Variants in TRIP12 observed in about 807,000 individuals in gnomAD.
TRIP12 encodes the protein E3 ubiquitin-protein ligase TRIP12.
A neutral mutation model predicts 244.2 loss-of-function variants in TRIP12; 25 were observed. That is an observed-to-expected ratio of 0.10 (90% CI 0.07 to 0.14). The LOEUF is 0.14. Ranked by LOEUF, TRIP12 falls within the 10% of genes least tolerant of loss-of-function variation. The pLI, the probability that TRIP12 is intolerant of heterozygous loss-of-function variation, is 1.00. For synonymous variants in TRIP12, 905 were observed against 873.1 expected, an observed-to-expected ratio of 1.04 and a Z score of -0.64; for missense variants, 1,677 against 2,486.4, an observed-to-expected ratio of 0.67 and a Z score of 6.92.
intron 1 of TRIP12, among the ~76,000 whole-genome samples, chr2:229,899,600 G>A (rs2070010799): frequency 1.3e-5 from 2 of 152,318 alleles, no homozygotes; most frequent in South Asian, 2.1e-4. Context: ...ATGGAAACAA[G>A]TAACTGGAGT....
intron 2 of TRIP12, among the ~76,000 whole-genome samples, chr2:229,870,938 C>A (rs531751543): frequency 1.1e-3 from 169 of 152,190 alleles, no homozygotes; most frequent in African/African-American, 3.9e-3. Context: ...CTACGGGAGG[C>A]TGAGGGGGAG....
chr2:229,853,754 T>C (rs950633597), intron 4 of TRIP12, among the ~76,000 whole-genome samples: 5 of 152,208 alleles, frequency 3.3e-5, no homozygotes, highest in African/African-American at 1.2e-4. Flanking sequence ...AATATGTTGC[T>C]GCATTCTATG....
intron 32 of TRIP12, 36 bp from the exon 33 acceptor site, chr2:229,787,697 T>A (rs781470286): frequency 2.0e-6 from 3 of 1,503,958 alleles, no homozygotes; most frequent in South Asian, 1.4e-5. Context: ...ATTATCTGGA[T>A]GAGAATCAGA....
At chr2:229,839,309 T>A (rs1429556763) in intron 5 of TRIP12, among the ~76,000 whole-genome samples, 4 of 152,312 alleles carry the variant, frequency 2.6e-5, no homozygotes, top group African/African-American at 9.6e-5. Flanking sequence ...AGGTTTGTTT[T>A]AAGTGTTCTC....
intron 23 of TRIP12, 24 bp from the exon 24 acceptor site, chr2:229,797,855 T>C (rs1186850137): frequency 6.2e-7 from 1 of 1,609,946 alleles, no homozygotes; most frequent in South Asian, 1.1e-5. Flanking sequence ...AAAGGAGATA[T>C]TAAAGTCCCA....
intron 1 of TRIP12, among the ~76,000 whole-genome samples, chr2:229,914,505 A>G (rs2074998720): frequency 6.6e-6 from 1 of 152,234 alleles, no homozygotes; most frequent in Non-Finnish European, 1.5e-5. Flanking sequence ...CTCTCTAAGG[A>G]CACAAAGTAG....
intron 38 of TRIP12, 59 bp from the exon 39 acceptor site, chr2:229,771,691 A>C: frequency 7.6e-7 from 1 of 1,309,034 alleles, no homozygotes; most frequent in African/African-American, 1.5e-5. Context: ...TTACTATTTA[A>C]TATGTGGCAA....
intron 1 of TRIP12, among the ~76,000 whole-genome samples, chr2:229,896,856 A>C (rs1347643046): frequency 1.3e-5 from 2 of 152,224 alleles, no homozygotes; most frequent in African/African-American, 2.4e-5. Context: ...AAAAGTAATA[A>C]AAACTTTTAG....
At chr2:229,803,549 C>G (rs1329089394) in intron 20 of TRIP12, 22 bp downstream of exon 20, 1 of 1,455,744 alleles carries the variant, frequency 6.9e-7, no homozygotes, top group Non-Finnish European at 9.6e-7. Flanking sequence ...GACTAAATGA[C>G]TATTAATTTA....
intron 1 of TRIP12, among the ~76,000 whole-genome samples, chr2:229,898,547 T>G (rs952009786): frequency 6.6e-6 from 1 of 152,328 alleles, no homozygotes; most frequent in East Asian, 1.9e-4. Context: ...AATTTACTTA[T>G]ACACTGACCT....
chr2:229,816,323 C>CT (rs1467041575), intron 9 of TRIP12, among the ~76,000 whole-genome samples: 3 of 126,538 alleles, frequency 2.4e-5, no homozygotes, highest in Admixed American at 1.6e-4. Flanking sequence ...CATTTCAGGA[C>CT]TTAAAAAAAA....
intron 4 of TRIP12, among the ~76,000 whole-genome samples, chr2:229,857,145 C>CT (rs2059728742): frequency 3.9e-5 from 6 of 152,112 alleles, no homozygotes; most frequent in African/African-American, 1.4e-4. Context: ...TGCTAGTAGA[C>CT]ACTATATACA....
chr2:229,845,540 A>T (rs906064460), intron 4 of TRIP12, among the ~76,000 whole-genome samples: 1 of 152,232 alleles, frequency 6.6e-6, no homozygotes, highest in Non-Finnish European at 1.5e-5. Flanking sequence ...AGGGGGAAAA[A>T]AAACCACGTA....
At chr2:229,898,386 G>C (rs150107177) in intron 1 of TRIP12, among the ~76,000 whole-genome samples, 1 of 152,276 alleles carries the variant, frequency 6.6e-6, no homozygotes, top group Non-Finnish European at 1.5e-5. Flanking sequence ...CTTCTAACAT[G>C]TGTCTCTCTT....
At chr2:229,805,657 AATT>A in intron 18 of TRIP12, 70 bp downstream of exon 18, 8 of 1,351,922 alleles carry the variant, frequency 5.9e-6, no homozygotes, top group East Asian at 2.4e-5. Context: ...TTAATAAGCC[AATT>A]ATTATTTATT....
At chr2:229,820,133 T>G (rs1422719305) in intron 8 of TRIP12, among the ~76,000 whole-genome samples, 2 of 152,154 alleles carry the variant, frequency 1.3e-5, no homozygotes, top group Non-Finnish European at 2.9e-5. Flanking sequence ...AAATGAATCC[T>G]CCACTGATTC....
chr2:229,861,336 T>C (rs566636206), intron 2 of TRIP12, among the ~76,000 whole-genome samples: 121 of 152,304 alleles, frequency 7.9e-4, no homozygotes, highest in African/African-American at 2.6e-3. Flanking sequence ...CCTTGGGGAA[T>C]GGTTACATGA....
Position 229,767,505 on chromosome 2 carries a change from G to C in TRIP12, c.*49C>G, listed in dbSNP as rs2032168267. 1 of 1,527,938 alleles carries C rather than the reference G, an allele frequency of 6.5e-7. No homozygotes were observed. Among genetic ancestry groups the C allele is most frequent in the Non-Finnish European group, 8.8e-7 (1 of 1,135,798 alleles). The allele number at this position is 1,527,938 out of a possible 1,614,324, so 94.6% of individuals were successfully genotyped here. ...GTGATAACATTAGAAAAGAAATCAT[G>C]ATTTGTTTCTTTTGCTGTAACAGGC... is the stretch of plus-strand genomic sequence containing the variant. On this transcript the variant is annotated 3_prime_UTR_variant, in exon 42 of 42. Transcript: ENST00000675903.
intron 21 of TRIP12, 50 bp downstream of exon 21, chr2:229,802,202 A>G: frequency 2.0e-6 from 3 of 1,466,160 alleles, no homozygotes; most frequent in Non-Finnish European, 2.8e-6. Flanking sequence ...TAGGTACCAA[A>G]GCAGCGCTAA....
Sources: gnomAD v4.1 joint callset for allele counts (sites outside exome capture counted in the v4.1 genomes callset) on GRCh38, gnomAD v4.1.1 for gene constraint, MANE v1.5 for transcripts, NCBI Gene and HGNC (gene_info 2026-07-23, HGNC 2026-07-21) for gene names.